CTNND2: variants seen among roughly 807,000 people sequenced by gnomAD.
CTNND2 encodes catenin delta-2.
A neutral mutation model predicts 144.4 loss-of-function variants in CTNND2; 22 were observed. The ratio of observed to expected loss-of-function variants is 0.15; its 90% CI spans 0.11 to 0.22. The LOEUF (loss-of-function observed/expected upper bound fraction) is 0.22, where lower values mean the gene tolerates loss of function less well. CTNND2 is among the 10% of genes least tolerant of loss of function. The probability of loss-of-function intolerance (pLI) is 1.00; values close to 1 mark genes in which losing one functional copy is unlikely to be tolerated. For synonymous variants in CTNND2, 751 were observed against 695.6 expected (o/e 1.08, Z -1.25); for missense variants, 1,353 against 1,618.8 (o/e 0.84, Z 2.82).
chr5:11,546,019 A>G (rs1216137991), intron 3 of CTNND2, among the ~76,000 whole-genome samples: 1 of 152,200 alleles, frequency 6.6e-6, no homozygotes, highest in African/African-American at 2.4e-5. Flanking sequence ...TACAACATCA[A>G]TGAACCTTGA....
intron 9 of CTNND2, among the ~76,000 whole-genome samples, chr5:11,250,513 A>ATATATG: frequency 2.1e-5 from 1 of 48,044 alleles, no homozygotes; most frequent in African/African-American, 1.4e-4. Flanking sequence ...ATATATATAT[A>ATATATG]CATATATTTT....
intron 2 of CTNND2, among the ~76,000 whole-genome samples, chr5:11,691,655 G>C (rs1417405919): frequency 6.6e-6 from 1 of 152,062 alleles, no homozygotes; most frequent in Admixed American, 6.5e-5. Flanking sequence ...TGTAATCTCT[G>C]TTACTTTGGG....
chr5:11,510,502 G>C (rs892734800), intron 3 of CTNND2, among the ~76,000 whole-genome samples: 4 of 152,146 alleles, frequency 2.6e-5, no homozygotes, highest in Non-Finnish European at 2.9e-5. Context: ...TTGTACAGCT[G>C]AATAACCTTA....
Position 11,556,084 on chromosome 5 carries a change from T to A in CTNND2, c.287+8860A>T, listed in dbSNP as rs985907758. On this transcript the variant is annotated intron_variant, in intron 3 of 21. Coordinates refer to ENST00000304623, the MANE Select transcript of CTNND2 (RefSeq NM_001332.4). Reference sequence around the variant, plus strand: ...TTTAGCCTCATGAGAAATGGTTTTTTTCCTAGCATGGAAACTAACAATTAC... The same window carrying A: ...TTTAGCCTCATGAGAAATGGTTTTTATCCTAGCATGGAAACTAACAATTAC... Among the ~76,000 whole-genome samples, 8 of 152,166 alleles carry A rather than the reference T, an allele frequency of 5.3e-5. 1 individual carries two copies. The highest frequency in any genetic ancestry group is 5.2e-4 in the Admixed American group (8 of 15,280).
intron 3 of CTNND2, among the ~76,000 whole-genome samples, chr5:11,463,957 T>G (rs942164010): frequency 6.6e-6 from 1 of 152,258 alleles, no homozygotes; most frequent in East Asian, 1.9e-4. Context: ...ATAGCCAAAA[T>G]AAGTGTTAGT....
chr5:11,477,066 G>GA, intron 3 of CTNND2, among the ~76,000 whole-genome samples: 1 of 152,226 alleles, frequency 6.6e-6, no homozygotes, highest in Non-Finnish European at 1.5e-5. Context: ...GGAATAGGCT[G>GA]AATGTCAAGA....
chr5:11,546,670 C>T (rs1236205378), intron 3 of CTNND2, among the ~76,000 whole-genome samples: 1 of 152,054 alleles, frequency 6.6e-6, no homozygotes, highest in African/African-American at 2.4e-5. Context: ...GAGAATGAAA[C>T]AACGAACAAC....
chr5:11,017,562 ACATATATATATATATCTTTC>A (rs1217675184), intron 18 of CTNND2, among the ~76,000 whole-genome samples: 90 of 142,874 alleles, frequency 6.3e-4, no homozygotes, highest in South Asian at 5.8e-3. Context: ...AGATATATAT[ACATATATATATATATCTTTC>A]CATATATATA....
intron 9 of CTNND2, among the ~76,000 whole-genome samples, chr5:11,320,982 T>A (rs967136712): frequency 6.6e-5 from 10 of 152,230 alleles, no homozygotes; most frequent in Non-Finnish European, 1.3e-4. Flanking sequence ...AAGATGTTTT[T>A]AAAATGTTAT....
chr5:11,127,760 C>A lies in CTNND2; in HGVS notation c.2160-10193G>T, dbSNP rs183750952. 3.7e-3 allele frequency among the ~76,000 whole-genome samples: 563 copies of A among 152,250 alleles called. 13 individuals carry two copies. Among genetic ancestry groups the A allele is most frequent in the Admixed American group, 0.031 (475 of 15,282 alleles). ...TTCACAGACGGAGAGAAGTTCTTCC[C>A]CAGGAGCTGTACTTAACAGATTACT... is the stretch of plus-strand genomic sequence containing the variant. On this transcript the variant is annotated intron_variant, in intron 12 of 21. Coordinates refer to ENST00000304623, the MANE Select transcript of CTNND2 (RefSeq NM_001332.4).
At chr5:11,470,347 T>C (rs898697160) in intron 3 of CTNND2, among the ~76,000 whole-genome samples, 10 of 152,048 alleles carry the variant, frequency 6.6e-5, no homozygotes, top group African/African-American at 2.2e-4. Flanking sequence ...GGCAGGAGGA[T>C]TGCTTGAACT....
intron 1 of CTNND2, among the ~76,000 whole-genome samples, chr5:11,867,551 T>C (rs1299178567): frequency 6.6e-6 from 1 of 152,186 alleles, no homozygotes; most frequent in Non-Finnish European, 1.5e-5. Context: ...TGAGTGATCA[T>C]TATTTTTAGA....
intron 16 of CTNND2, among the ~76,000 whole-genome samples, chr5:11,055,281 C>T (rs973778005): frequency 3.3e-5 from 5 of 152,198 alleles, no homozygotes; most frequent in Non-Finnish European, 7.3e-5. Context: ...CTTTTCTGAG[C>T]TTCCTTCATT....
intron 1 of CTNND2, among the ~76,000 whole-genome samples, chr5:11,826,972 C>T (rs1294039105): frequency 6.6e-6 from 1 of 152,034 alleles, no homozygotes; most frequent in Non-Finnish European, 1.5e-5. Flanking sequence ...TATCAATGAA[C>T]ATGATGTCAT....
At chr5:11,335,358 C>T (rs1420558408) in intron 9 of CTNND2, among the ~76,000 whole-genome samples, 2 of 152,158 alleles carry the variant, frequency 1.3e-5, no homozygotes, top group Non-Finnish European at 2.9e-5. Context: ...CAACTACAAC[C>T]TGCTTTGTAA....
chr5:11,883,248 G>A (rs1341443078), intron 1 of CTNND2, among the ~76,000 whole-genome samples: 2 of 152,000 alleles, frequency 1.3e-5, no homozygotes, highest in South Asian at 2.1e-4. Flanking sequence ...TAGTTACATA[G>A]GTATACACGT....
chr5:11,168,698 T>A (rs1343977001), intron 11 of CTNND2, among the ~76,000 whole-genome samples: 2 of 152,236 alleles, frequency 1.3e-5, no homozygotes, highest in Admixed American at 6.5e-5. Context: ...TTCTTCTATG[T>A]GTAAAATGAT....
chr5:11,022,283 C>G (rs1742337154), intron 17 of CTNND2, among the ~76,000 whole-genome samples: 1 of 152,114 alleles, frequency 6.6e-6, no homozygotes, highest in Non-Finnish European at 1.5e-5. Flanking sequence ...ATATTTGCCC[C>G]ACATCTCACA....
chr5:11,628,274 C>A (rs1054709127), intron 2 of CTNND2, among the ~76,000 whole-genome samples: 11 of 152,074 alleles, frequency 7.2e-5, no homozygotes, highest in African/African-American at 2.7e-4. Context: ...GACACTGAGG[C>A]TTAAAAATCA....
Sources: allele counts gnomAD v4.1 joint callset (sites outside exome capture counted in the v4.1 genomes callset), GRCh38; gene constraint gnomAD v4.1.1; transcripts MANE v1.5; gene names NCBI Gene and HGNC (gene_info 2026-07-23, HGNC 2026-07-21).